ITGB1: variants seen among roughly 807,000 people sequenced by gnomAD.
The protein encoded by ITGB1 is integrin beta-1.
Under a neutral mutation model 86.5 loss-of-function variants are expected in ITGB1, and 24 were observed. The observed-to-expected ratio is 0.28, with a 90% CI of 0.20 to 0.39. ITGB1 has a LOEUF of 0.39. Among genes scored for constraint, ITGB1 ranks in the 10% least tolerant of loss-of-function variants. The pLI, the probability that ITGB1 is intolerant of heterozygous loss-of-function variation, is 1.00. For synonymous variants in ITGB1, 323 were observed against 316.8 expected, an observed-to-expected ratio of 1.02 and a Z score of -0.21; for missense variants, 556 against 946.9, an observed-to-expected ratio of 0.59 and a Z score of 5.42.
intron 14 of ITGB1, among the ~76,000 whole-genome samples, chr10:32,909,600 C>T (rs2094906930): frequency 6.6e-6 from 1 of 152,074 alleles, no homozygotes; most frequent in South Asian, 2.1e-4. Flanking sequence ...TAATTCAAAA[C>T]AGTATGGGAG....
intron 1 of ITGB1, among the ~76,000 whole-genome samples, chr10:32,940,205 C>A (rs977034783): frequency 6.6e-6 from 1 of 151,912 alleles, no homozygotes; most frequent in African/African-American, 2.4e-5. Context: ...ATTAGCTTGG[C>A]GTGGTGGTGC....
At position 32,900,727 on chromosome 10, in the gene ITGB1, G is replaced by C. The variant is rs948841849; in HGVS notation, c.*843C>G. 2.8e-5 allele frequency: 4 copies of C among 140,422 alleles called. No individual in the cohort carries two copies. The highest frequency in any genetic ancestry group is 1.1e-4 in the African/African-American group (4 of 37,928). 8.7% of individuals were successfully genotyped at this position (140,422 alleles called of 1,614,324 possible). A position where few individuals can be genotyped will look rare whatever the true frequency, so the allele number is the denominator to read the frequency against. ...AATACATTAAAAGATTAGAAGAGGT[G>C]ACAGAAAGCACCAGACATTAAACAA... On this transcript the variant is annotated 3_prime_UTR_variant, in exon 16 of 16. Transcript: ENST00000302278.
At chr10:32,931,372 C>A (rs1443799756) in intron 3 of ITGB1, among the ~76,000 whole-genome samples, 1 of 152,094 alleles carries the variant, frequency 6.6e-6, no homozygotes, top group African/African-American at 2.4e-5. Flanking sequence ...CTGTAGTCCC[C>A]ATAAAATGGA....
chr10:32,948,046 G>A (rs1283081826), intron 1 of ITGB1, among the ~76,000 whole-genome samples: 2 of 150,546 alleles, frequency 1.3e-5, no homozygotes, highest in Non-Finnish European at 1.5e-5. Flanking sequence ...CCAGAAAACT[G>A]ACTGGATCCA....
intron 3 of ITGB1, among the ~76,000 whole-genome samples, chr10:32,932,302 T>A (rs1442306091): frequency 6.6e-6 from 1 of 152,226 alleles, no homozygotes; most frequent in Non-Finnish European, 1.5e-5. Context: ...ATCTTGTATA[T>A]CTTTGAAACT....
chr10:32,957,096 T>C (rs914631630), intron 1 of ITGB1, among the ~76,000 whole-genome samples: 6 of 152,162 alleles, frequency 3.9e-5, no homozygotes, highest in African/African-American at 1.4e-4. Flanking sequence ...CAGAATTAAA[T>C]AATACATGTA....
intron 1 of ITGB1, chr10:32,944,546 T>C (rs2095026831): frequency 4.4e-6 from 2 of 453,800 alleles, no homozygotes; most frequent in East Asian, 1.2e-4. Context: ...AATTAATGTG[T>C]TAGCTAACGC....
chr10:32,910,156 G>T, intron 14 of ITGB1, 67 bp downstream of exon 14: 1 of 1,192,620 alleles, frequency 8.4e-7, no homozygotes, highest in Non-Finnish European at 1.2e-6. Context: ...CTGGATGTTA[G>T]GCCTAAATAA....
intron 1 of ITGB1, among the ~76,000 whole-genome samples, chr10:32,937,570 AAAAAAAAAG>A (rs1275733239): frequency 3.2e-4 from 48 of 151,862 alleles, no homozygotes; most frequent in Non-Finnish European, 5.2e-4. Context: ...AAAAAAAAAA[AAAAAAAAAG>A]AGTTACAAAA....
chr10:32,944,969 C>G (rs968545461), intron 1 of ITGB1: 2 of 1,070,970 alleles, frequency 1.9e-6, no homozygotes, highest in Admixed American at 3.6e-5. Flanking sequence ...AACTAAAGTT[C>G]CACAAAGAAG....
intron 1 of ITGB1, chr10:32,944,614 T>A: frequency 3.4e-6 from 2 of 581,164 alleles, no homozygotes; most frequent in Non-Finnish European, 6.7e-6. Flanking sequence ...TGGCCCTATA[T>A]GAGCTGAAAA....
chr10:32,926,969 A>G (rs1179248320), intron 5 of ITGB1, among the ~76,000 whole-genome samples: 1 of 152,224 alleles, frequency 6.6e-6, no homozygotes, highest in Non-Finnish European at 1.5e-5. Flanking sequence ...TTAAAGCAGC[A>G]CAAATGGACT....
At position 32,912,099 on chromosome 10, in the gene ITGB1, G is replaced by C; in HGVS notation, c.1495C>G (p.His499Asp). The C allele has an allele frequency of 6.2e-7, 1 of 1,613,760 alleles. No individual in the cohort carries two copies. The highest frequency in any genetic ancestry group is 8.5e-7 in the Non-Finnish European group (1 of 1,179,742). The change falls in exon 12 of 16, where the codon CAT becomes GAT. Residue 499 changes from histidine (H) to aspartate (D), a missense_variant. Around this residue, in one of 4 missense-constraint regions of ITGB1, gnomAD observed 330 missense variants for 531.5 expected, o/e 0.62. Transcript: ENST00000302278. ...CRCNEGRVGR[H>D]CECSTDEVNS... ...ACTTCATCTGTGCTGCATTCACAAT[G>C]TCTACCAACACGCCCTTCATTGCAC...
At chr10:32,919,827 C>T in intron 11 of ITGB1, 58 bp downstream of exon 11, 2 of 1,452,942 alleles carry the variant, frequency 1.4e-6, no homozygotes, top group Non-Finnish European at 1.9e-6. Context: ...AAAATATGAC[C>T]TGCCTATACT....
Position 32,935,494 on chromosome 10 carries a change from G to A in ITGB1, c.65C>T (p.Thr22Ile). ...ISSVCCVFAQTDENRCLKANA... is the reference protein window; with the variant it reads ...ISSVCCVFAQIDENRCLKANA... The stretch of plus-strand genomic sequence containing the variant: ...CTAAGAAAATTTTTTGTTTTTACCT[G>A]TTTGAGCAAACACACAGCAAACTGA... The change falls in exon 2 of 16, where the codon ACA becomes ATA. Residue 22 changes from threonine (T) to isoleucine (I), a missense_variant and splice_region_variant. Around this residue, in one of 4 missense-constraint regions of ITGB1, gnomAD observed 183 missense variants for 263.9 expected, o/e 0.69. Transcript: ENST00000302278. The A allele has an allele frequency of 6.2e-7, 1 of 1,611,468 alleles. No homozygotes were observed. Among genetic ancestry groups the A allele is most frequent in the African/African-American group, 1.3e-5 (1 of 74,960 alleles).
intron 11 of ITGB1, among the ~76,000 whole-genome samples, chr10:32,912,708 C>G (rs1298998560): frequency 6.6e-6 from 1 of 152,224 alleles, no homozygotes; most frequent in Non-Finnish European, 1.5e-5. Flanking sequence ...GGAGGCCTGC[C>G]TGCCTCTGTA....
At chr10:32,925,349 G>T (rs776147777) in intron 6 of ITGB1, among the ~76,000 whole-genome samples, 17 of 152,116 alleles carry the variant, frequency 1.1e-4, no homozygotes, top group Non-Finnish European at 2.2e-4. Context: ...TATTCATATA[G>T]GTTAAAAACT....
At chr10:32,912,906 C>G (rs973425271) in intron 11 of ITGB1, among the ~76,000 whole-genome samples, 9 of 152,196 alleles carry the variant, frequency 5.9e-5, no homozygotes, top group Non-Finnish European at 1.0e-4. Context: ...TGGGAGACAC[C>G]TCCTAGTAGG....
At chr10:32,912,222 G>A in intron 11 of ITGB1, 98 bp from the exon 12 acceptor site, 1 of 911,836 alleles carries the variant, frequency 1.1e-6, no homozygotes, top group Non-Finnish European at 1.7e-6. Context: ...ACAGCTCCCA[G>A]CGTGAGCGAC....
Sources: allele counts gnomAD v4.1 joint callset (sites outside exome capture counted in the v4.1 genomes callset), GRCh38; gene constraint gnomAD v4.1.1; regional missense constraint gnomAD v4.1.1; transcripts MANE v1.5; gene names NCBI Gene and HGNC (gene_info 2026-07-23, HGNC 2026-07-21).